Variants in PALB2 observed in about 807,000 individuals in gnomAD.
The protein encoded by PALB2 is partner and localizer of BRCA2.
A neutral mutation model predicts 107.4 loss-of-function variants in PALB2; 82 were observed. That is an observed-to-expected ratio of 0.76 (90% CI 0.64 to 0.92). The LOEUF (loss-of-function observed/expected upper bound fraction) is 0.92, where lower values mean the gene tolerates loss of function less well. Ranked by LOEUF, PALB2 falls within the 40% of genes least tolerant of loss-of-function variation. The pLI, the probability that PALB2 is intolerant of heterozygous loss-of-function variation, is 0.00. For missense variants in PALB2, 1,374 were observed against 1,379.9 expected (o/e 1.00, Z 0.07); for synonymous variants, 489 against 496.8 (o/e 0.98, Z 0.21).
intron 1 of PALB2, among the ~76,000 whole-genome samples, chr16:23,639,265 G>A (rs1433537548): frequency 6.6e-6 from 1 of 152,114 alleles, no homozygotes; most frequent in African/African-American, 2.4e-5. Flanking sequence ...GGGCGCAGTG[G>A]CTCACGCCTG....
chr16:23,635,162 C>A lies in PALB2; in HGVS notation c.1384G>T (p.Glu462Ter), dbSNP rs1597096243. 6.2e-7 allele frequency: 1 copy of A among 1,614,176 alleles called. No individual in the cohort carries two copies. The highest frequency in any genetic ancestry group is 2.2e-5 in the East Asian group (1 of 44,886). ...GTGCATGTGCCAGACATCCTAATTT[C>A]ACTTTGGTCAGTTTCCTCATTGGAA... ...NLSNEETDQS[E>*]IRMSGTCTGQ... is the part of the protein sequence containing the mutation. The change falls in exon 4 of 13, where the codon GAA (glutamate) becomes TAA (stop). Residue 462 changes from glutamate to a stop codon, truncating the protein, a stop_gained. Transcript: ENST00000261584. LOFTEE classifies it high-confidence loss of function.
At chr16:23,611,598 A>C (rs1159392568) in intron 11 of PALB2, among the ~76,000 whole-genome samples, 1 of 151,888 alleles carries the variant, frequency 6.6e-6, no homozygotes, top group African/African-American at 2.4e-5. Context: ...AGTTGGGACT[A>C]CAGGCGCACA....
chr16:23,628,363 C>T (rs560288656), intron 6 of PALB2, among the ~76,000 whole-genome samples: 2 of 152,330 alleles, frequency 1.3e-5, no homozygotes, highest in African/African-American at 4.8e-5. Flanking sequence ...GTGACATAGC[C>T]AGTAACTGGG....
intron 7 of PALB2, 28 bp from the exon 8 acceptor site, chr16:23,624,122 A>G (rs1192302789): frequency 6.7e-7 from 1 of 1,494,622 alleles, no homozygotes; most frequent in East Asian, 2.3e-5. Context: ...GCCAAAAATT[A>G]TGCTTGGTTG....
intron 11 of PALB2, among the ~76,000 whole-genome samples, chr16:23,610,544 T>G (rs1220511225): frequency 6.6e-6 from 1 of 151,508 alleles, no homozygotes; most frequent in East Asian, 2.0e-4. Flanking sequence ...CCTGACCTCG[T>G]GATCTGCCCG....
intron 11 of PALB2, among the ~76,000 whole-genome samples, chr16:23,611,510 G>A (rs754510903): frequency 6.6e-6 from 1 of 151,438 alleles, no homozygotes; most frequent in Non-Finnish European, 1.5e-5. Flanking sequence ...TCAGGCTGGA[G>A]TGCAGTGGCA....
At position 23,605,073 on chromosome 16, in the gene PALB2, C is replaced by A. The variant is rs570281731; in HGVS notation, c.3351-1404G>T. On this transcript the variant is annotated intron_variant, in intron 12 of 12. Transcript: ENST00000261584. ...TGGGCAACAGAGAGAAACTCCGTCT[C>A]AAAAAAAAAATTAGCTATTATTATT... Among the ~76,000 whole-genome samples, 11 of 149,740 alleles carry A rather than the reference C, an allele frequency of 7.3e-5. No individual in the cohort carries two copies. The East Asian group carries it at 1.4e-3, about 19-fold the overall frequency.
intron 12 of PALB2, chr16:23,605,952 G>A (rs1276032277): frequency 1.3e-5 from 2 of 152,250 alleles, no homozygotes; most frequent in Non-Finnish European, 2.9e-5. Flanking sequence ...CCAGCCAAAA[G>A]AATGGTAAGA....
At chr16:23,623,170 T>C (rs1300563414) in intron 8 of PALB2, 40 bp from the exon 9 acceptor site, 2 of 1,541,778 alleles carry the variant, frequency 1.3e-6, no homozygotes, top group Non-Finnish European at 1.8e-6. Flanking sequence ...ATGTGAGGAG[T>C]AACCTTTTAA....
At chr16:23,616,091 T>C (rs111644769) in intron 10 of PALB2, among the ~76,000 whole-genome samples, 5,087 of 152,276 alleles carry the variant, frequency 0.033, 118 homozygotes, top group Middle Eastern at 0.088. Context: ...CAAGCTATGC[T>C]TTCCAATGAC....
intron 4 of PALB2, among the ~76,000 whole-genome samples, chr16:23,632,503 T>A (rs188712710): frequency 3.4e-4 from 52 of 152,254 alleles, no homozygotes; most frequent in Admixed American, 1.0e-3. Context: ...TATTGTATGA[T>A]TCCATATATA....
chr16:23,604,362 A>T (rs1966423562), intron 12 of PALB2, among the ~76,000 whole-genome samples: 1 of 152,244 alleles, frequency 6.6e-6, no homozygotes, highest in African/African-American at 2.4e-5. Flanking sequence ...TCAGTACAAT[A>T]GGGATGATTT....
At chr16:23,630,861 G>A (rs1231136411) in intron 4 of PALB2, among the ~76,000 whole-genome samples, 4 of 151,988 alleles carry the variant, frequency 2.6e-5, no homozygotes, top group Admixed American at 6.6e-5. Context: ...TGTAATCCTA[G>A]TACTTTCAGA....
At chr16:23,616,283 T>G (rs969872792) in intron 10 of PALB2, among the ~76,000 whole-genome samples, 3 of 152,152 alleles carry the variant, frequency 2.0e-5, no homozygotes, top group Non-Finnish European at 4.4e-5. Context: ...TATACCTCAT[T>G]TGGTATGCAA....
chr16:23,638,727 A>G, intron 1 of PALB2: 1 of 353,416 alleles, frequency 2.8e-6, no homozygotes, highest in South Asian at 2.1e-5. Context: ...GTAAAAAAAT[A>G]CACAGATAAA....
At chr16:23,625,439 G>A (rs1361059250) in intron 7 of PALB2, among the ~76,000 whole-genome samples, 11 of 152,000 alleles carry the variant, frequency 7.2e-5, no homozygotes, top group Admixed American at 6.6e-4. Flanking sequence ...GCTGAGGCAG[G>A]CGGATGGCTT....
In PALB2 at chr16:23,626,334, C is replaced by T. The variant is rs1304351755; in HGVS notation, c.2650G>A (p.Glu884Lys). 3 of 1,614,074 alleles carry T rather than the reference C, an allele frequency of 1.9e-6. No homozygotes were observed. Among genetic ancestry groups the T allele is most frequent in the Non-Finnish European group, 2.5e-6 (3 of 1,180,048 alleles). Residue 884 changes from glutamate (E) to lysine (K), a missense_variant, in exon 7 of 13, where the codon GAG (glutamate) becomes AAG (lysine). Physicochemically the swap from Glu to Lys is moderately conservative, Grantham distance 56 (BLOSUM62 1). Transcript: ENST00000261584. ...AMFWERAGCK[E>K]PCIITACEDV... ...TCGCAAGCAGTTATGATACATGGCT[C>T]TTTACAACCGGCTCTTTCCCAAAAC... is the stretch of plus-strand genomic sequence containing the variant.
At position 23,626,264 on chromosome 16, in the gene PALB2, T is replaced by C. The variant is rs45504298; in HGVS notation, c.2720A>G (p.Glu907Gly). The C allele has an allele frequency of 9.3e-6, 15 of 1,614,070 alleles. No homozygotes were observed. The highest frequency in any genetic ancestry group is 3.3e-4 in the Middle Eastern group (2 of 6,084). ...TGCGAAGTGCCAGGTATAAAGTTTT[T>C]CCCACTGCCAAGCATCCAGAGCTTT... ...LWKALDAWQW[E>G]KLYTWHFAEV... Residue 907 changes from glutamate to glycine, a missense_variant, in exon 7 of 13, where the codon GAA becomes GGA. Physicochemically the swap from Glu to Gly is moderately conservative, Grantham distance 98 (BLOSUM62 -2). Coordinates refer to ENST00000261584, the MANE Select transcript of PALB2 (RefSeq NM_024675.4).
rs114491776 is a variant in PALB2 at position 23,623,991 on chromosome 16, T to A, written c.2834+18A>T. On this transcript the variant is annotated intron_variant, in intron 8 of 12. Transcript: ENST00000261584. ...CAAAGATGAAGGAAAAACAAATCAC[T>A]CCTTGGGAATTACATACCTGATCTC... 1.9e-4 allele frequency: 286 copies of A among 1,531,466 alleles called. No homozygotes were observed. In the African/African-American group the frequency reaches 3.5e-3, roughly 19 times the overall value. 94.9% of individuals were successfully genotyped at this position (1,531,466 alleles called of 1,614,324 possible).
Sources: allele counts gnomAD v4.1 joint callset (sites outside exome capture counted in the v4.1 genomes callset), GRCh38; gene constraint gnomAD v4.1.1; transcripts MANE v1.5; gene names NCBI Gene and HGNC (gene_info 2026-07-23, HGNC 2026-07-21).